RAD51B: variants seen among roughly 807,000 people sequenced by gnomAD.
RAD51B encodes the protein DNA repair protein RAD51 homolog 2.
A neutral mutation model predicts 42.2 loss-of-function variants in RAD51B; 38 were observed. That is an observed-to-expected ratio of 0.90 (90% CI 0.70 to 1.18). The LOEUF is 1.18. Ranked by LOEUF, RAD51B falls within the 50% of genes most tolerant of loss-of-function variation. The probability of loss-of-function intolerance (pLI) is 0.00; values close to 1 mark genes in which losing one functional copy is unlikely to be tolerated. For synonymous variants in RAD51B, 154 were observed against 145.2 expected (o/e 1.06, Z -0.43); for missense variants, 373 against 400.7 (o/e 0.93, Z 0.59).
chr14:68,163,963 G>A (rs1294651803), intron 7 of RAD51B, among the ~76,000 whole-genome samples: 1 of 152,064 alleles, frequency 6.6e-6, no homozygotes, highest in Non-Finnish European at 1.5e-5. Flanking sequence ...TTATTAATAT[G>A]GTCCTATTTT....
At chr14:67,933,617 A>G (rs1411192547) in intron 7 of RAD51B, among the ~76,000 whole-genome samples, 1 of 152,094 alleles carries the variant, frequency 6.6e-6, no homozygotes, top group Non-Finnish European at 1.5e-5. Flanking sequence ...TCCCTATGAT[A>G]ATGAGTCCCT....
intron 7 of RAD51B, among the ~76,000 whole-genome samples, chr14:68,034,873 G>GTCTA (rs1204958794): frequency 6.6e-6 from 1 of 152,264 alleles, no homozygotes. Flanking sequence ...GGATTGGGAT[G>GTCTA]TCTAATATTG....
intron 10 of RAD51B, among the ~76,000 whole-genome samples, chr14:68,604,870 C>T (rs969605501): frequency 1.3e-5 from 2 of 149,788 alleles, no homozygotes; most frequent in African/African-American, 2.4e-5. Flanking sequence ...CCTGTGTTCT[C>T]GTCTTTTCTT....
At chr14:68,620,203 A>G (rs1891916766) in intron 10 of RAD51B, among the ~76,000 whole-genome samples, 1 of 152,178 alleles carries the variant, frequency 6.6e-6, no homozygotes, top group Admixed American at 6.5e-5. Flanking sequence ...ATTTATTATC[A>G]TTAAAGGCAA....
chr14:68,075,801 G>T (rs1354865427), intron 7 of RAD51B, among the ~76,000 whole-genome samples: 3 of 152,210 alleles, frequency 2.0e-5, no homozygotes, highest in Non-Finnish European at 2.9e-5. Flanking sequence ...AGGGAGACTG[G>T]GCTCCTCTCT....
chr14:68,073,289 C>G (rs2076782951), intron 7 of RAD51B, among the ~76,000 whole-genome samples: 1 of 151,962 alleles, frequency 6.6e-6, no homozygotes, highest in East Asian at 1.9e-4. Context: ...CTTCTTTGTC[C>G]TTTTTGATCA....
intron 8 of RAD51B, among the ~76,000 whole-genome samples, chr14:68,326,127 G>A (rs1370908651): frequency 1.5e-5 from 2 of 130,786 alleles, no homozygotes; most frequent in South Asian, 2.5e-4. Flanking sequence ...TGCAACCTTC[G>A]CCTCCCAGGT....
chr14:68,602,510 A>AGC (rs1566951510), intron 10 of RAD51B, among the ~76,000 whole-genome samples: 15,659 of 142,914 alleles, frequency 0.11, 1,082 homozygotes, highest in Non-Finnish European at 0.15. Flanking sequence ...GGATAGCTAG[A>AGC]TAGATAGCTA....
At chr14:68,168,776 A>G (rs1008739334) in intron 7 of RAD51B, among the ~76,000 whole-genome samples, 1 of 152,198 alleles carries the variant, frequency 6.6e-6, no homozygotes, top group Non-Finnish European at 1.5e-5. Context: ...TAGGTTAATT[A>G]ACTTAATAGA....
intron 9 of RAD51B, among the ~76,000 whole-genome samples, chr14:68,440,833 A>G (rs1447348544): frequency 2.0e-5 from 3 of 152,210 alleles, no homozygotes; most frequent in African/African-American, 4.8e-5. Context: ...AAATTATTGC[A>G]TGTTCTAATA....
chr14:68,608,095 G>A (rs1316254393), intron 10 of RAD51B, among the ~76,000 whole-genome samples: 2 of 152,178 alleles, frequency 1.3e-5, no homozygotes, highest in Non-Finnish European at 2.9e-5. Flanking sequence ...TGAGGGTTGG[G>A]CACAGCGCGT....
Position 68,079,315 on chromosome 14 carries a change from G to A in RAD51B, c.756+192111G>A, listed in dbSNP as rs79830843. Among the ~76,000 whole-genome samples, 10 of 152,104 alleles carry A rather than the reference G, an allele frequency of 6.6e-5. No homozygotes were observed. In the East Asian group the frequency reaches 7.7e-4, roughly 12 times the overall value. On this transcript the variant is annotated intron_variant, in intron 7 of 10. Coordinates refer to ENST00000471583, the MANE Select transcript of RAD51B (RefSeq NM_133510.4). ...CCCACTTTTCTTTTTTATTTCATGT[G>A]GTCTTGGCAAATCATGTTTTAATTG...
intron 10 of RAD51B, among the ~76,000 whole-genome samples, chr14:68,513,561 C>A (rs1412756384): frequency 1.3e-5 from 2 of 152,164 alleles, no homozygotes; most frequent in Non-Finnish European, 2.9e-5. Flanking sequence ...ACAGACCCCA[C>A]CTTTGGGGTC....
At chr14:68,292,237 T>A (rs1034250087) in intron 8 of RAD51B, among the ~76,000 whole-genome samples, 2 of 152,220 alleles carry the variant, frequency 1.3e-5, no homozygotes, top group East Asian at 3.8e-4. Flanking sequence ...GTCCTTAGTA[T>A]GAGGGCTGAT....
At chr14:67,889,738 G>A (rs918154635) in intron 7 of RAD51B, among the ~76,000 whole-genome samples, 7 of 151,952 alleles carry the variant, frequency 4.6e-5, no homozygotes, top group African/African-American at 1.7e-4. Context: ...GGAATTAATC[G>A]ATATCACTTG....
chr14:68,387,792 C>T (rs1249571682), intron 8 of RAD51B, among the ~76,000 whole-genome samples: 1 of 152,116 alleles, frequency 6.6e-6, no homozygotes, highest in East Asian at 1.9e-4. Context: ...CACTAAATAG[C>T]TGCACTGTCG....
intron 7 of RAD51B, among the ~76,000 whole-genome samples, chr14:67,895,781 C>G (rs2140078993): frequency 1.3e-5 from 2 of 152,236 alleles, no homozygotes; most frequent in South Asian, 4.1e-4. Context: ...GTTGTCATTT[C>G]TCTTCTGTGC....
intron 10 of RAD51B, among the ~76,000 whole-genome samples, chr14:68,520,850 C>T (rs1594938365): frequency 1.3e-5 from 2 of 152,174 alleles, no homozygotes; most frequent in African/African-American, 4.8e-5. Flanking sequence ...ATACATTGTC[C>T]TAAGGGCTGT....
At chr14:68,220,353 A>G (rs2079899718) in intron 7 of RAD51B, among the ~76,000 whole-genome samples, 4 of 152,364 alleles carry the variant, frequency 2.6e-5, no homozygotes. Flanking sequence ...AAACAGAAAT[A>G]AAATTAAAAA....
Sources: allele counts gnomAD v4.1 joint callset (sites outside exome capture counted in the v4.1 genomes callset), GRCh38; gene constraint gnomAD v4.1.1; transcripts MANE v1.5; gene names NCBI Gene and HGNC (gene_info 2026-07-23, HGNC 2026-07-21).